The following CLEC9A variants were observed in gnomAD, a reference collection of about 807,000 sequenced individuals.
CLEC9A encodes the protein C-type lectin domain family 9 member A.
A neutral mutation model predicts 30.0 loss-of-function variants in CLEC9A; 24 were observed. The observed-to-expected ratio is 0.80, with a 90% CI of 0.58 to 1.13. The LOEUF (loss-of-function observed/expected upper bound fraction) is 1.13, where lower values mean the gene tolerates loss of function less well. Among genes scored for constraint, CLEC9A ranks in the 50% most tolerant of loss-of-function variants. CLEC9A has a pLI of 0.00. For synonymous variants in CLEC9A, 111 were observed against 96.8 expected (o/e 1.15, Z -0.86); for missense variants, 251 against 280.9 (o/e 0.89, Z 0.76).
Position 10,041,482 on chromosome 12 carries a change from C to A in CLEC9A, c.-301C>A. On this transcript the variant is annotated 5_prime_UTR_variant, in exon 2 of 9. Coordinates refer to ENST00000355819, the MANE Select transcript of CLEC9A (RefSeq NM_207345.4). The stretch of plus-strand genomic sequence containing the variant: ...TTTCTCCAGGTGACTATAAACGCAG[C>A]CCCTGTGATGCCAACTGGACATATT... The A allele has an allele frequency of 2.2e-6, 1 of 446,698 alleles. No homozygotes were observed. The highest frequency in any genetic ancestry group is 4.4e-6 in the Non-Finnish European group (1 of 229,130). 27.7% of individuals were successfully genotyped at this position (446,698 alleles called of 1,614,324 possible).
chr12:10,049,039 A>C (rs1865871301), intron 2 of CLEC9A, among the ~76,000 whole-genome samples: 1 of 152,234 alleles, frequency 6.6e-6, no homozygotes, highest in Admixed American at 6.5e-5. Context: ...TGGTTGCAGA[A>C]ATGGAGGCTG....
chr12:10,036,074 CTTAT>C (rs1409983120), intron 1 of CLEC9A, among the ~76,000 whole-genome samples: 1 of 152,138 alleles, frequency 6.6e-6, no homozygotes, highest in Non-Finnish European at 1.5e-5. Flanking sequence ...ATCATTCATT[CTTAT>C]TTAATTTTTA....
chr12:10,064,918 C>T (rs2137316841), intron 8 of CLEC9A, 65 bp downstream of exon 8: 2 of 1,531,060 alleles, frequency 1.3e-6, no homozygotes, highest in Non-Finnish European at 1.8e-6. Flanking sequence ...AAGTTTATTT[C>T]ACCTTGTACC....
chr12:10,047,632 C>A (rs1008993753), intron 2 of CLEC9A, among the ~76,000 whole-genome samples: 1 of 152,182 alleles, frequency 6.6e-6, no homozygotes, highest in African/African-American at 2.4e-5. Context: ...CAGACCACCA[C>A]AATAAAGCAA....
intron 1 of CLEC9A, among the ~76,000 whole-genome samples, chr12:10,037,451 T>G (rs1411167874): frequency 6.6e-6 from 1 of 152,178 alleles, no homozygotes; most frequent in Admixed American, 6.6e-5. Flanking sequence ...TTCAGGCAGC[T>G]CAGGGCCAAG....
chr12:10,063,439 T>C (rs1866014888), intron 7 of CLEC9A, among the ~76,000 whole-genome samples: 1 of 152,212 alleles, frequency 6.6e-6, no homozygotes, highest in African/African-American at 2.4e-5. Flanking sequence ...GTTTGTTCTA[T>C]GTCCTTGGTT....
intron 1 of CLEC9A, among the ~76,000 whole-genome samples, chr12:10,039,055 G>A (rs1865768882): frequency 6.6e-6 from 1 of 152,208 alleles, no homozygotes; most frequent in African/African-American, 2.4e-5. Flanking sequence ...GCAGGGGCAG[G>A]GGTGAGCCTT....
At position 10,052,728 on chromosome 12, in the gene CLEC9A, GCC is replaced by G. The variant is rs1427167856; in HGVS notation, c.43_44del (p.Pro15SerfsTer94). 1 of 1,613,910 alleles carries G rather than the reference GCC, an allele frequency of 6.2e-7. No individual in the cohort carries two copies. Among genetic ancestry groups the G allele is most frequent in the Non-Finnish European group, 8.5e-7 (1 of 1,179,896 alleles). ...ATATACACCTCTCTTCAGTGGGATAGCCCAGCACCAGACACTTACCAGAAATG... is the reference window on the plus strand; with the variant it reads ...ATATACACCTCTCTTCAGTGGGATAGCAGCACCAGACACTTACCAGAAATG... On this transcript the variant is annotated frameshift_variant, in exon 4 of 9. Transcript: ENST00000355819. LOFTEE classifies it high-confidence loss of function.
chr12:10,061,246 G>C lies in CLEC9A; in HGVS notation c.292G>C (p.Ala98Pro), dbSNP rs145997192. 1.2e-5 allele frequency: 20 copies of C among 1,611,480 alleles called. No homozygotes were observed. Among genetic ancestry groups the C allele is most frequent in the Admixed American group, 1.7e-5 (1 of 59,338 alleles). ...TGCCCTTCAGATGAAATATTGCCAA[G>C]CCTTCATGCAAAACTCATTAAGTTC... ...SCALQMKYCQ[A>P]FMQNSLSSAH... The change falls in exon 6 of 9, where the codon GCC (alanine) becomes CCC (proline). Residue 98 changes from alanine (A) to proline (P), a missense_variant. Ala to Pro is a conservative substitution (Grantham distance 27). Coordinates refer to ENST00000355819, the MANE Select transcript of CLEC9A (RefSeq NM_207345.4).
At chr12:10,064,892 A>G (rs1461341932) in intron 8 of CLEC9A, 39 bp downstream of exon 8, 6 of 1,592,292 alleles carry the variant, frequency 3.8e-6, no homozygotes, top group Non-Finnish European at 3.4e-6. Context: ...AAAGTTAGAA[A>G]CATGAGGGAA....
chr12:10,035,998 T>G (rs1159041315), intron 1 of CLEC9A, among the ~76,000 whole-genome samples: 2 of 152,240 alleles, frequency 1.3e-5, no homozygotes, highest in African/African-American at 4.8e-5. Flanking sequence ...CTTCTTCTTT[T>G]TCTTCTTAGG....
At chr12:10,038,921 G>A (rs543030507) in intron 1 of CLEC9A, among the ~76,000 whole-genome samples, 29 of 152,376 alleles carry the variant, frequency 1.9e-4, no homozygotes, top group Admixed American at 3.3e-4. Context: ...AGTCCATTGG[G>A]GATGAGGATG....
chr12:10,047,236 T>TA (rs1220473119), intron 2 of CLEC9A, among the ~76,000 whole-genome samples: 5 of 152,234 alleles, frequency 3.3e-5, no homozygotes, highest in Non-Finnish European at 5.9e-5. Context: ...AAATAGGAAC[T>TA]AATAATTCAG....
chr12:10,054,783 A>G (rs1450793727), intron 5 of CLEC9A, among the ~76,000 whole-genome samples: 2 of 152,204 alleles, frequency 1.3e-5, no homozygotes, highest in Non-Finnish European at 2.9e-5. Context: ...TCGTTCGACC[A>G]CATTTAACCA....
chr12:10,031,268 TG>T (rs1324307745), intron 1 of CLEC9A, among the ~76,000 whole-genome samples: 1 of 152,222 alleles, frequency 6.6e-6, no homozygotes, highest in African/African-American at 2.4e-5. Context: ...TGTATTTCAA[TG>T]GCCTGATACT....
At chr12:10,035,941 A>T in intron 1 of CLEC9A, among the ~76,000 whole-genome samples, 1 of 152,194 alleles carries the variant, frequency 6.6e-6, no homozygotes, top group Non-Finnish European at 1.5e-5. Context: ...TACTTATTCA[A>T]ACTCCCAGTT....
At chr12:10,033,509 G>A (rs1363856560) in intron 1 of CLEC9A, among the ~76,000 whole-genome samples, 2 of 152,162 alleles carry the variant, frequency 1.3e-5, no homozygotes, top group Non-Finnish European at 2.9e-5. Flanking sequence ...CAAAAAATGA[G>A]TGACTCTTCC....
chr12:10,052,719 A>G lies in CLEC9A; in HGVS notation c.32A>G (p.Gln11Arg), dbSNP rs756815675. The change falls in exon 4 of 9, where the codon CAG becomes CGG. Residue 11 changes from glutamine (Q) to arginine (R), a missense_variant. By Grantham distance (43) the Gln-to-Arg change is conservative. Coordinates refer to ENST00000355819, the MANE Select transcript of CLEC9A (RefSeq NM_207345.4). ...GAGGAAGAAATATACACCTCTCTTC[A>G]GTGGGATAGCCCAGCACCAGACACT... The part of the protein sequence containing the change: MHEEEIYTSL[Q>R]WDSPAPDTYQ... 1 of 1,614,058 alleles carries G rather than the reference A, an allele frequency of 6.2e-7. No homozygotes were observed. The highest frequency in any genetic ancestry group is 8.5e-7 in the Non-Finnish European group (1 of 1,179,916).
At chr12:10,061,299 T>C in intron 6 of CLEC9A, 26 bp downstream of exon 6, 1 of 1,590,878 alleles carries the variant, frequency 6.3e-7, no homozygotes, top group Non-Finnish European at 8.5e-7. Flanking sequence ...CAGTTTCCAC[T>C]GTATACATCT....
Sources: allele counts gnomAD v4.1 joint callset (sites outside exome capture counted in the v4.1 genomes callset), GRCh38; gene constraint gnomAD v4.1.1; transcripts MANE v1.5; gene names NCBI Gene and HGNC (gene_info 2026-07-23, HGNC 2026-07-21).